Variants in FRAS1 observed in about 807,000 individuals in gnomAD.
The protein encoded by FRAS1 is Fraser extracellular matrix complex subunit 1, also known as extracellular matrix organizing protein FRAS1.
FRAS1 carries 290 observed loss-of-function variants against 435.2 expected under a neutral mutation model. The observed-to-expected ratio is 0.67, with a 90% confidence interval of 0.61 to 0.73. The LOEUF (loss-of-function observed/expected upper bound fraction) is 0.73, where lower values mean the gene tolerates loss of function less well. Among genes scored for constraint, FRAS1 ranks in the 30% least tolerant of loss-of-function variants. The pLI is 0.00. For missense variants in FRAS1, 4,860 were observed against 5,001.5 expected (o/e 0.97, Z 0.85); for synonymous variants, 1,800 against 1,851.0 (o/e 0.97, Z 0.71).
chr4:78,280,995 T>C (rs1290020453), intron 10 of FRAS1, among the ~76,000 whole-genome samples: 2 of 152,202 alleles, frequency 1.3e-5, no homozygotes, highest in African/African-American at 4.8e-5. Flanking sequence ...ATAGTATCAA[T>C]TTTCCTACTC....
At chr4:78,308,029 C>T (rs1728857283) in intron 14 of FRAS1, 37 bp from the exon 15 acceptor site, 1 of 1,560,460 alleles carries the variant, frequency 6.4e-7, no homozygotes, top group East Asian at 2.3e-5. Context: ...GTCCTTTCTG[C>T]CGTAGATTAC....
At chr4:78,257,368 T>A (rs1725843622) in intron 6 of FRAS1, among the ~76,000 whole-genome samples, 1 of 152,162 alleles carries the variant, frequency 6.6e-6, no homozygotes, top group Non-Finnish European at 1.5e-5. Flanking sequence ...ACCTGCCTAA[T>A]AATAACCATA....
intron 64 of FRAS1, among the ~76,000 whole-genome samples, chr4:78,512,934 A>G (rs1721083357): frequency 1.3e-5 from 2 of 152,312 alleles, no homozygotes; most frequent in Non-Finnish European, 1.5e-5. Context: ...TTTAGAGTTT[A>G]AAAGCTCAAC....
At position 78,473,321 on chromosome 4, in the gene FRAS1, A is replaced by G. The variant is rs115031681; in HGVS notation, c.7523-117A>G. On this transcript the variant is annotated intron_variant, in intron 52 of 73. Coordinates refer to ENST00000512123, the MANE Select transcript of FRAS1 (RefSeq NM_025074.7). The stretch of plus-strand genomic sequence containing the variant: ...CAACTACTATACTTTTGGTGCTTGG[A>G]AAAATAAGTTTTGTCTGTAATACAT... The G allele has an allele frequency of 3.4e-3, 2,578 of 750,768 alleles. 51 individuals are homozygous for G. The African/African-American group carries it at 0.042, about 12-fold the overall frequency. 46.5% of individuals were successfully genotyped at this position (750,768 alleles called of 1,614,324 possible).
intron 2 of FRAS1, among the ~76,000 whole-genome samples, chr4:78,080,337 A>G (rs1028746696): frequency 6.6e-6 from 1 of 152,150 alleles, no homozygotes; most frequent in Admixed American, 6.6e-5. Flanking sequence ...TGTCCATTAG[A>G]TAAGAGGCTG....
At chr4:78,221,960 C>G (rs1029849962) in intron 2 of FRAS1, among the ~76,000 whole-genome samples, 23 of 152,202 alleles carry the variant, frequency 1.5e-4, no homozygotes, top group African/African-American at 5.6e-4. Context: ...CTGGAAGTCT[C>G]AGGTTTATCC....
intron 9 of FRAS1, among the ~76,000 whole-genome samples, chr4:78,276,009 C>G (rs1403618373): frequency 1.3e-5 from 2 of 152,140 alleles, no homozygotes; most frequent in Non-Finnish European, 2.9e-5. Flanking sequence ...AGGCTTTGTT[C>G]ATTTCTTTTT....
At position 78,451,905 on chromosome 4, in the gene FRAS1, T is replaced by A. The variant is rs749295563; in HGVS notation, c.6583+14T>A. 1.3e-5 allele frequency: 21 copies of A among 1,602,112 alleles called. No individual in the cohort carries two copies. The highest frequency in any genetic ancestry group is 1.7e-5 in the Non-Finnish European group (20 of 1,174,224). On this transcript the variant is annotated intron_variant, in intron 46 of 73. Transcript: ENST00000512123. ...TCAGCATTCTAGGTAAAGAGACATT[T>A]GATTTTCTAATATAAAACTATTTTA...
chr4:78,342,809 T>G (rs1387863641), intron 20 of FRAS1, among the ~76,000 whole-genome samples: 1 of 152,154 alleles, frequency 6.6e-6, no homozygotes, highest in African/African-American at 2.4e-5. Flanking sequence ...GAAGATAATA[T>G]CAAGGGTAAT....
intron 29 of FRAS1, among the ~76,000 whole-genome samples, chr4:78,394,843 A>T (rs542038288): frequency 6.6e-6 from 1 of 152,104 alleles, no homozygotes; most frequent in Non-Finnish European, 1.5e-5. Context: ...TAAACATGGG[A>T]TATCTTTGCA....
intron 2 of FRAS1, chr4:78,182,006 G>T (rs2110051949): frequency 6.4e-7 from 1 of 1,556,026 alleles, no homozygotes; most frequent in African/African-American, 1.4e-5. Context: ...GAATCGGTTG[G>T]TGACCACACA....
chr4:78,070,468 A>G (rs1740285840), intron 2 of FRAS1: 1 of 152,198 alleles, frequency 6.6e-6, no homozygotes, highest in Non-Finnish European at 1.5e-5. Context: ...CTAGAGTAAG[A>G]AATGACCAGA....
chr4:78,094,450 C>T (rs1741692536), intron 2 of FRAS1, among the ~76,000 whole-genome samples: 1 of 151,830 alleles, frequency 6.6e-6, no homozygotes, highest in Non-Finnish European at 1.5e-5. Context: ...TTCCCCTCTA[C>T]ATTATATTAA....
chr4:78,187,677 C>T (rs547707441), intron 2 of FRAS1, among the ~76,000 whole-genome samples: 8 of 152,158 alleles, frequency 5.3e-5, no homozygotes, highest in Middle Eastern at 6.8e-3. Context: ...GATCTCAGCT[C>T]ACTGCAACCT....
intron 14 of FRAS1, among the ~76,000 whole-genome samples, chr4:78,288,428 G>A (rs910276373): frequency 6.6e-6 from 1 of 152,148 alleles, no homozygotes; most frequent in Non-Finnish European, 1.5e-5. Context: ...CTTTTCTGGG[G>A]GGAGGGCATT....
intron 30 of FRAS1, 70 bp downstream of exon 30, chr4:78,400,957 G>A: frequency 2.8e-6 from 4 of 1,429,764 alleles, no homozygotes; most frequent in South Asian, 1.3e-5. Flanking sequence ...ACTGTATAGT[G>A]CCATGTGGCA....
intron 2 of FRAS1, among the ~76,000 whole-genome samples, chr4:78,115,278 G>A (rs544979278): frequency 5.9e-5 from 9 of 152,150 alleles, no homozygotes; most frequent in Non-Finnish European, 1.2e-4. Context: ...ACGGATATTG[G>A]TCTGAAATTC....
intron 3 of FRAS1, among the ~76,000 whole-genome samples, chr4:78,238,841 C>G (rs1011593803): frequency 5.3e-5 from 8 of 152,264 alleles, no homozygotes; most frequent in African/African-American, 1.9e-4. Flanking sequence ...TTGCTGAAAT[C>G]TAAACATGCT....
chr4:78,060,302 A>G (rs961153917), intron 1 of FRAS1, among the ~76,000 whole-genome samples: 1 of 152,204 alleles, frequency 6.6e-6, no homozygotes, highest in Non-Finnish European at 1.5e-5. Context: ...CAAGGATCTT[A>G]GAAATCTCCT....
Sources: gnomAD v4.1 joint callset for allele counts (sites outside exome capture counted in the v4.1 genomes callset) on GRCh38, gnomAD v4.1.1 for gene constraint, MANE v1.5 for transcripts, NCBI Gene and HGNC (gene_info 2026-07-23, HGNC 2026-07-21) for gene names.